Variants in PPP1R9A observed in about 807,000 individuals in gnomAD.
PPP1R9A encodes the protein neurabin-1.
A neutral mutation model predicts 141.9 loss-of-function variants in PPP1R9A; 59 were observed. The ratio of observed to expected loss-of-function variants is 0.42; its 90% CI spans 0.34 to 0.52. The LOEUF (loss-of-function observed/expected upper bound fraction) is 0.52, where lower values mean the gene tolerates loss of function less well. Among genes scored for constraint, PPP1R9A ranks in the 20% least tolerant of loss-of-function variants. PPP1R9A has a pLI of 0.10. For missense variants in PPP1R9A, 1,444 were observed against 1,611.9 expected, an observed-to-expected ratio of 0.90 and a Z score of 1.78; for synonymous variants, 500 against 569.7, an observed-to-expected ratio of 0.88 and a Z score of 1.74.
intron 2 of PPP1R9A, among the ~76,000 whole-genome samples, chr7:94,998,568 T>C (rs1802473278): frequency 6.6e-6 from 1 of 152,196 alleles, no homozygotes; most frequent in Non-Finnish European, 1.5e-5. Flanking sequence ...GAACTCCATT[T>C]CCTATTAATC....
chr7:95,172,369 A>T (rs1832250339), intron 5 of PPP1R9A, among the ~76,000 whole-genome samples: 1 of 151,746 alleles, frequency 6.6e-6, no homozygotes, highest in African/African-American at 2.4e-5. Flanking sequence ...AAAATCCTAA[A>T]GTATCTACAA....
At position 95,290,282 on chromosome 7, in the gene PPP1R9A, C is replaced by T. The variant is rs61756426; in HGVS notation, c.4104C>T (p.Ala1368=). The change falls in exon 20 of 20, where the codon GCC becomes GCT. Residue 1368 remains alanine, a synonymous_variant. Transcript: ENST00000433360. ...KKTEKMTSTT[A]EGAGEQ Reference sequence around the variant, plus strand: ...CAGAAAAGATGACGTCAACTACAGCCGAGGGTGCTGGTGAGCAGTAACACA... The same window carrying T: ...CAGAAAAGATGACGTCAACTACAGCTGAGGGTGCTGGTGAGCAGTAACACA... 325 of 1,611,062 alleles carry T rather than the reference C, an allele frequency of 2.0e-4. No individual in the cohort carries two copies. Among genetic ancestry groups the T allele is most frequent in the Non-Finnish European group, 2.5e-4 (293 of 1,178,644 alleles).
intron 2 of PPP1R9A, among the ~76,000 whole-genome samples, chr7:95,019,168 G>A (rs1208792953): frequency 6.6e-6 from 1 of 152,204 alleles, no homozygotes; most frequent in Non-Finnish European, 1.5e-5. Context: ...GCCAAGGCAG[G>A]CAGATCACTT....
intron 2 of PPP1R9A, among the ~76,000 whole-genome samples, chr7:95,037,346 T>A (rs900961118): frequency 9.2e-5 from 14 of 152,180 alleles, no homozygotes; most frequent in Non-Finnish European, 1.8e-4. Flanking sequence ...TTTTCTGAAA[T>A]TTTTAAATTA....
At position 95,173,275 on chromosome 7, in the gene PPP1R9A, C is replaced by T. The variant is rs112501940; in HGVS notation, c.1754+11304C>T. ...CTGTAGGTAATATACACTGGGGACT[C>T]TAAAAGAGGAGAACTGGAGGAGGAT... On this transcript the variant is annotated intron_variant, in intron 5 of 19. Coordinates refer to ENST00000433360, the MANE Select transcript of PPP1R9A (RefSeq NM_001166160.2). Among the ~76,000 whole-genome samples the T allele has an allele frequency of 8.5e-3, 1,296 of 151,890 alleles. 19 individuals carry two copies. Among genetic ancestry groups the T allele is most frequent in the African/African-American group, 0.028 (1,154 of 41,476 alleles).
chr7:95,217,122 A>T (rs924727244), intron 7 of PPP1R9A, among the ~76,000 whole-genome samples: 27 of 152,140 alleles, frequency 1.8e-4, no homozygotes, highest in African/African-American at 6.3e-4. Context: ...AATAGCTCTT[A>T]TTATTTTGAG....
intron 2 of PPP1R9A, among the ~76,000 whole-genome samples, chr7:95,001,841 A>C (rs1802970379): frequency 6.6e-6 from 1 of 152,168 alleles, no homozygotes; most frequent in South Asian, 2.1e-4. Flanking sequence ...TATTTGAAAA[A>C]CAGAAAAACA....
intron 2 of PPP1R9A, among the ~76,000 whole-genome samples, chr7:94,968,632 C>T (rs1409481732): frequency 2.6e-5 from 4 of 152,210 alleles, no homozygotes; most frequent in African/African-American, 9.6e-5. Context: ...ACCGATGAGT[C>T]TTGACTCCAT....
intron 6 of PPP1R9A, among the ~76,000 whole-genome samples, chr7:95,200,231 A>G (rs1008065278): frequency 6.6e-6 from 1 of 151,850 alleles, no homozygotes; most frequent in African/African-American, 2.4e-5. Context: ...TGAGGCGCTG[A>G]TCACATTCAT....
intron 5 of PPP1R9A, among the ~76,000 whole-genome samples, chr7:95,173,268 G>A (rs971142022): frequency 3.3e-5 from 5 of 151,800 alleles, no homozygotes; most frequent in Admixed American, 6.6e-5. Flanking sequence ...AATATACACT[G>A]GGGACTCTAA....
intron 2 of PPP1R9A, among the ~76,000 whole-genome samples, chr7:95,002,524 G>T (rs905951511): frequency 6.6e-6 from 1 of 152,172 alleles, no homozygotes; most frequent in Non-Finnish European, 1.5e-5. Context: ...TCCTTTTAGG[G>T]AGGTGAGGAG....
At chr7:95,092,104 T>G (rs1817434157) in intron 2 of PPP1R9A, among the ~76,000 whole-genome samples, 1 of 152,192 alleles carries the variant, frequency 6.6e-6, no homozygotes, top group Non-Finnish European at 1.5e-5. Flanking sequence ...TCTTTAGGCA[T>G]TTTTGAACAG....
intron 2 of PPP1R9A, among the ~76,000 whole-genome samples, chr7:94,939,803 C>CATATATAT (rs1795139427): frequency 7.6e-6 from 1 of 131,704 alleles, no homozygotes; most frequent in Non-Finnish European, 1.6e-5. Context: ...TGTATACATA[C>CATATATAT]ATGTATATAT....
intron 5 of PPP1R9A, among the ~76,000 whole-genome samples, chr7:95,186,760 T>C (rs1304516309): frequency 6.6e-6 from 1 of 151,608 alleles, no homozygotes; most frequent in Non-Finnish European, 1.5e-5. Context: ...TTTTCCTGCA[T>C]CTGTTGATTA....
Position 95,195,002 on chromosome 7 carries a change from T to G in PPP1R9A, c.1755-3347T>G, listed in dbSNP as rs572289659. The stretch of plus-strand genomic sequence containing the variant: ...TATGGAATTGCAGAGGAAAAACAAT[T>G]GATACAGAGTTAGAAAACTCACACC... On this transcript the variant is annotated intron_variant, in intron 5 of 19. Coordinates refer to ENST00000433360, the MANE Select transcript of PPP1R9A (RefSeq NM_001166160.2). Among the ~76,000 whole-genome samples, 35 of 152,178 alleles carry G rather than the reference T, an allele frequency of 2.3e-4. No individual in the cohort carries two copies. The South Asian group carries it at 7.0e-3, about 31-fold the overall frequency.
intron 2 of PPP1R9A, among the ~76,000 whole-genome samples, chr7:95,050,630 G>A (rs1298830059): frequency 6.6e-6 from 1 of 152,160 alleles, no homozygotes. Context: ...GGGAGGCGAG[G>A]CAGGAGAATC....
In PPP1R9A at chr7:95,295,626, C is replaced by T. The variant is rs970575204; in HGVS notation, c.*5323C>T. 2 of 152,180 alleles carry T rather than the reference C, an allele frequency of 1.3e-5. No homozygotes were observed. The highest frequency in any genetic ancestry group is 4.8e-5 in the African/African-American group (2 of 41,444). 9.4% of individuals were successfully genotyped at this position (152,180 alleles called of 1,614,324 possible). On this transcript the variant is annotated 3_prime_UTR_variant, in exon 20 of 20. Coordinates refer to ENST00000433360, the MANE Select transcript of PPP1R9A (RefSeq NM_001166160.2). ...ATTTTGGTTGTTGCCAAAAACAACA[C>T]AAGTGGTTGGGAGTGTATGTTGTTG... is the stretch of plus-strand genomic sequence containing the variant.
chr7:95,195,422 A>G (rs1836113491), intron 5 of PPP1R9A, among the ~76,000 whole-genome samples: 1 of 150,894 alleles, frequency 6.6e-6, no homozygotes, highest in Non-Finnish European at 1.5e-5. Flanking sequence ...CTAAAACTAC[A>G]GGTGCATGCC....
chr7:95,273,804 A>T, intron 14 of PPP1R9A, 95 bp from the exon 15 acceptor site: 1 of 1,149,230 alleles, frequency 8.7e-7, no homozygotes, highest in Non-Finnish European at 1.2e-6. Context: ...TTAGGAATTT[A>T]GGCAAAGCCC....
Sources: allele counts gnomAD v4.1 joint callset (sites outside exome capture counted in the v4.1 genomes callset), GRCh38; gene constraint gnomAD v4.1.1; transcripts MANE v1.5; gene names NCBI Gene and HGNC (gene_info 2026-07-23, HGNC 2026-07-21).